The following LRRN1 variants were observed in gnomAD, a reference collection of about 807,000 sequenced individuals.
LRRN1 encodes leucine rich repeat neuronal 1, also known as leucine-rich repeat neuronal protein 1.
A neutral mutation model predicts 45.8 loss-of-function variants in LRRN1; 14 were observed. The observed-to-expected ratio is 0.31, with a 90% CI of 0.20 to 0.48. The LOEUF is 0.48. Among genes scored for constraint, LRRN1 ranks in the 20% least tolerant of loss-of-function variants. The probability of loss-of-function intolerance (pLI) is 0.99; values close to 1 mark genes in which losing one functional copy is unlikely to be tolerated. For missense variants in LRRN1, 789 were observed against 874.2 expected (o/e 0.90, Z 1.23); for synonymous variants, 359 against 330.1 (o/e 1.09, Z -0.95).
chr3:3,841,941 C>T (rs527952638), intron 1 of LRRN1, among the ~76,000 whole-genome samples: 1 of 152,204 alleles, frequency 6.6e-6, no homozygotes, highest in East Asian at 1.9e-4. Context: ...AGAAATGTGT[C>T]ATTAGGTGAT....
intron 1 of LRRN1, among the ~76,000 whole-genome samples, chr3:3,836,030 C>T (rs896000184): frequency 1.3e-5 from 2 of 152,014 alleles, no homozygotes; most frequent in African/African-American, 2.4e-5. Flanking sequence ...ATTAGCAGGA[C>T]ATTTTCTTCT....
At chr3:3,841,290 C>A (rs202173152) in intron 1 of LRRN1, among the ~76,000 whole-genome samples, 1,383 of 123,004 alleles carry the variant, frequency 0.011, 1 homozygote, top group Non-Finnish European at 0.013. Flanking sequence ...GACTTTGTCT[C>A]AAAAAAAAAA....
chr3:3,828,468 G>A (rs975171302), intron 1 of LRRN1, among the ~76,000 whole-genome samples: 2 of 151,834 alleles, frequency 1.3e-5, no homozygotes, highest in Admixed American at 6.6e-5. Flanking sequence ...GACTCAAATG[G>A]TAATCTCTTT....
chr3:3,846,836 T>G lies in LRRN1; in HGVS notation c.*44T>G. The G allele has an allele frequency of 1.4e-6, 2 of 1,480,454 alleles. No individual in the cohort carries two copies. The highest frequency in any genetic ancestry group is 4.6e-5 in the East Asian group (2 of 43,388). The allele number at this position is 1,480,454 out of a possible 1,614,324, so 91.7% of individuals were successfully genotyped here. ...TCTGGTAGTAAGGAGCACAAAGACG[T>G]TTTTGCTTTATTCTGCAAAAGTGAA... On this transcript the variant is annotated 3_prime_UTR_variant, in exon 2 of 2. Coordinates refer to ENST00000319331, the MANE Select transcript of LRRN1 (RefSeq NM_020873.7). This position sits in a 1 kb window ranked among gnomAD's most constrained non-coding sequence, Gnocchi z 5.7.
chr3:3,835,877 G>A (rs1427943490), intron 1 of LRRN1, among the ~76,000 whole-genome samples: 2 of 151,406 alleles, frequency 1.3e-5, no homozygotes, highest in Admixed American at 6.6e-5. Flanking sequence ...AAAAAAAAAA[G>A]AAGCATCAAA....
chr3:3,833,137 C>G (rs1693404556), intron 1 of LRRN1, among the ~76,000 whole-genome samples: 1 of 152,192 alleles, frequency 6.6e-6, no homozygotes, highest in Non-Finnish European at 1.5e-5. Flanking sequence ...GCTGCCCTCA[C>G]AAATCTATTT....
At position 3,845,031 on chromosome 3, in the gene LRRN1, G is replaced by C. The variant is rs752620121; in HGVS notation, c.390G>C (p.Gln130His). ...CAACGCTGCATTTGGAGGAAAATCAGATTACCGAGATGACTGATTACTGTC... is the reference window on the plus strand; with the variant it reads ...CAACGCTGCATTTGGAGGAAAATCACATTACCGAGATGACTGATTACTGTC... Reference protein sequence around the residue: ...QLTTLHLEENQITEMTDYCLQ... With the variant: ...QLTTLHLEENHITEMTDYCLQ... Residue 130 changes from glutamine to histidine, a missense_variant, in exon 2 of 2, where the codon CAG (glutamine) becomes CAC (histidine). Transcript: ENST00000319331. The surrounding 1 kb of genome is among the most constrained non-coding windows in gnomAD (Gnocchi z 6.5). The C allele has an allele frequency of 6.2e-7, 1 of 1,614,148 alleles. No homozygotes were observed. The highest frequency in any genetic ancestry group is 8.5e-7 in the Non-Finnish European group (1 of 1,180,026).
At chr3:3,805,688 T>C (rs1328815567) in intron 1 of LRRN1, among the ~76,000 whole-genome samples, 1 of 152,186 alleles carries the variant, frequency 6.6e-6, no homozygotes, top group Non-Finnish European at 1.5e-5. Context: ...ATCCCATAGC[T>C]AAGAGATTTT....
rs5846290 is a variant in LRRN1, at chr3:3,800,139, C to CAA, written c.-279+236_-279+237dup. ...CCCCGTTTCCCCCCGTCCCCCTTGC[C>CAA]AAAAAAAAAAAAAAAAAGGTGTGGG... On this transcript the variant is annotated intron_variant, in intron 1 of 1. Coordinates refer to ENST00000319331, the MANE Select transcript of LRRN1 (RefSeq NM_020873.7). Among the ~76,000 whole-genome samples the CAA allele has an allele frequency of 6.5e-4, 68 of 103,930 alleles. 2 individuals carry two copies. Among genetic ancestry groups the CAA allele is most frequent in the African/African-American group, 2.4e-3 (65 of 26,556 alleles). The allele number at this position is 103,930 out of a possible 152,430, so 68.2% of individuals were successfully genotyped here. A position where few individuals can be genotyped will look rare whatever the true frequency, so the allele number is the denominator to read the frequency against.
chr3:3,834,197 G>C (rs1011826628), intron 1 of LRRN1, among the ~76,000 whole-genome samples: 2 of 151,910 alleles, frequency 1.3e-5, no homozygotes, highest in South Asian at 4.1e-4. Context: ...CAACCAACCA[G>C]CTTCATTGTG....
intron 1 of LRRN1, chr3:3,801,043 G>A (rs1692641207): frequency 6.6e-6 from 1 of 152,280 alleles, no homozygotes; most frequent in Non-Finnish European, 1.5e-5. Context: ...CGGTTCCAGG[G>A]GAGCCCGCGC....
intron 1 of LRRN1, among the ~76,000 whole-genome samples, chr3:3,813,516 A>C (rs774629811): frequency 2.6e-5 from 4 of 152,166 alleles, no homozygotes; most frequent in East Asian, 3.8e-4. Context: ...GCTTTATGGC[A>C]GTAAATCTTG....
At chr3:3,804,203 G>A (rs950352594) in intron 1 of LRRN1, 1 of 152,160 alleles carries the variant, frequency 6.6e-6, no homozygotes, top group Non-Finnish European at 1.5e-5. Context: ...TCCAGTCGTA[G>A]CTGGATGATC....
chr3:3,802,550 T>C (rs1692676796), intron 1 of LRRN1, among the ~76,000 whole-genome samples: 1 of 152,238 alleles, frequency 6.6e-6, no homozygotes, highest in African/African-American at 2.4e-5. Context: ...TCTGCTATTT[T>C]ACATGTTCCT....
At chr3:3,802,988 GT>G (rs140917628) in intron 1 of LRRN1, among the ~76,000 whole-genome samples, 1,824 of 99,224 alleles carry the variant, frequency 0.018, 90 homozygotes, top group Admixed American at 0.11. Flanking sequence ...CTGATAAAGT[GT>G]TTAATTATTA....
chr3:3,817,934 G>A (rs1264021505), intron 1 of LRRN1, among the ~76,000 whole-genome samples: 8 of 152,208 alleles, frequency 5.3e-5, no homozygotes. Flanking sequence ...GTAGTCTAAT[G>A]GAATTGCTTG....
chr3:3,807,242 G>A (rs1266933415), intron 1 of LRRN1, among the ~76,000 whole-genome samples: 1 of 152,204 alleles, frequency 6.6e-6, no homozygotes, highest in Non-Finnish European at 1.5e-5. Flanking sequence ...GGGAAGAAAG[G>A]TTCATAGGAG....
At chr3:3,803,160 G>T (rs1217689875) in intron 1 of LRRN1, among the ~76,000 whole-genome samples, 1 of 152,160 alleles carries the variant, frequency 6.6e-6, no homozygotes, top group African/African-American at 2.4e-5. Context: ...CTGTGCTAAG[G>T]CCACCTTCTT....
chr3:3,810,950 T>C (rs1692859527), intron 1 of LRRN1, among the ~76,000 whole-genome samples: 1 of 152,222 alleles, frequency 6.6e-6, no homozygotes, highest in Non-Finnish European at 1.5e-5. Context: ...GAGAACTTCA[T>C]TGTCTTGTTT....
Sources: allele counts gnomAD v4.1 joint callset (sites outside exome capture counted in the v4.1 genomes callset), GRCh38; gene constraint gnomAD v4.1.1; non-coding constraint Gnocchi (gnomAD v3.1); transcripts MANE v1.5; gene names NCBI Gene and HGNC (gene_info 2026-07-23, HGNC 2026-07-21).